The following SLC9A5 variants were observed in gnomAD, a reference collection of about 807,000 sequenced individuals.
SLC9A5 encodes the protein solute carrier family 9 member A5.
In SLC9A5, 52 loss-of-function variants were observed where a neutral mutation model predicts 91.7. That is an observed-to-expected ratio of 0.57 (90% confidence interval 0.45 to 0.71). The LOEUF is 0.71. Ranked by LOEUF, SLC9A5 falls within the 30% of genes least tolerant of loss-of-function variation. The probability of loss-of-function intolerance (pLI) is 0.00; values close to 1 mark genes in which losing one functional copy is unlikely to be tolerated. For missense variants in SLC9A5, 871 were observed against 1,158.9 expected (o/e 0.75, Z 3.61); for synonymous variants, 419 against 474.5 (o/e 0.88, Z 1.52).
chr16:67,250,305 G>T (rs1237124652), intron 1 of SLC9A5, among the ~76,000 whole-genome samples: 1 of 152,172 alleles, frequency 6.6e-6, no homozygotes, highest in Non-Finnish European at 1.5e-5. Flanking sequence ...GGATCTCGGG[G>T]CTGGGGTTAA....
At position 67,255,367 on chromosome 16, in the gene SLC9A5, C is replaced by A; in HGVS notation, c.655-26C>A. The A allele has an allele frequency of 6.2e-7, 1 of 1,601,070 alleles. No individual in the cohort carries two copies. The highest frequency in any genetic ancestry group is 8.6e-7 in the Non-Finnish European group (1 of 1,169,094). On this transcript the variant is annotated intron_variant, in intron 3 of 15. Coordinates refer to ENST00000299798, the MANE Select transcript of SLC9A5 (RefSeq NM_004594.3). The surrounding 1 kb of genome is among the most constrained non-coding windows in gnomAD (Gnocchi z 4.9). ...TCCCAGTTGCTGCCTTCCCGCCTCA[C>A]TGCTGACTCTCCTCTTCTCGCTCAG...
chr16:67,249,703 T>A (rs1240839759), intron 1 of SLC9A5, among the ~76,000 whole-genome samples: 1 of 152,144 alleles, frequency 6.6e-6, no homozygotes, highest in African/African-American at 2.4e-5. Flanking sequence ...CCTCCAGCTC[T>A]CCCCTGCTCC....
chr16:67,256,743 G>A lies in SLC9A5; in HGVS notation c.1132+54G>A. On this transcript the variant is annotated intron_variant, in intron 6 of 15. Transcript: ENST00000299798. This position sits in a 1 kb window ranked among gnomAD's most constrained non-coding sequence, Gnocchi z 4.1. ...TCTCCTTCCTGTCCCGCCCCTCCCT[G>A]CAGCTCATCTCCCTATCTGAGTCCA... 1 of 1,427,694 alleles carries A rather than the reference G, an allele frequency of 7.0e-7. No individual in the cohort carries two copies. The allele number at this position is 1,427,694 out of a possible 1,614,324, so 88.4% of individuals were successfully genotyped here.
Position 67,270,079 on chromosome 16 carries a change from G to A in SLC9A5, c.2219-659G>A, listed in dbSNP as rs193236379. On this transcript the variant is annotated intron_variant, in intron 15 of 15. Transcript: ENST00000299798. This position sits in a 1 kb window ranked among gnomAD's most constrained non-coding sequence, Gnocchi z 4.3. ...CGTTTCTCCCTCGCTGGTTGGCTGG[G>A]ATGGGGCTTGGCAGGAGGCTGTTTC... is the stretch of plus-strand genomic sequence containing the variant. Among the ~76,000 whole-genome samples the A allele has an allele frequency of 1.0e-2, 1,523 of 152,334 alleles. 22 individuals are homozygous for A. Among genetic ancestry groups the A allele is most frequent in the Non-Finnish European group, 0.017 (1,173 of 68,034 alleles).
In SLC9A5 at chr16:67,270,629, G is replaced by C; in HGVS notation, c.2219-109G>C. ...TCAGCAAGACATTCATCCGATAATC[G>C]CAAAAATGGACGGCATATGGAAACT... is the stretch of plus-strand genomic sequence containing the variant. On this transcript the variant is annotated intron_variant, in intron 15 of 15. Transcript: ENST00000299798. The surrounding 1 kb of genome is among the most constrained non-coding windows in gnomAD (Gnocchi z 4.3). 1 of 808,696 alleles carries C rather than the reference G, an allele frequency of 1.2e-6. No homozygotes were observed. Among genetic ancestry groups the C allele is most frequent in the Non-Finnish European group, 1.9e-6 (1 of 522,220 alleles). The allele number at this position is 808,696 out of a possible 1,614,324, so 50.1% of individuals were successfully genotyped here.
chr16:67,264,211 G>T, intron 12 of SLC9A5, 141 bp from the exon 13 acceptor site: 5 of 690,478 alleles, frequency 7.2e-6, no homozygotes, highest in Admixed American at 5.6e-5. Context: ...TGTATTTTTT[G>T]TTTTGTTTTT....
Position 67,271,382 on chromosome 16 carries a change from C to A in SLC9A5, c.*172C>A. ...CACCTAAGCTGGTCCTCACAGGGGC[C>A]TTTCTCACCACCTCCCTGCTCCTAA... On this transcript the variant is annotated 3_prime_UTR_variant, in exon 16 of 16. Coordinates refer to ENST00000299798, the MANE Select transcript of SLC9A5 (RefSeq NM_004594.3). 1.6e-6 allele frequency: 1 copy of A among 622,780 alleles called. No homozygotes were observed. Among genetic ancestry groups the A allele is most frequent in the Non-Finnish European group, 2.8e-6 (1 of 353,134 alleles). 38.6% of individuals were successfully genotyped at this position (622,780 alleles called of 1,614,324 possible).
rs2035895351 is a variant in SLC9A5 at position 67,270,895 on chromosome 16, C to T, written c.2376C>T (p.Asn792=). The T allele has an allele frequency of 3.1e-6, 5 of 1,613,994 alleles. No individual in the cohort carries two copies. Among genetic ancestry groups the T allele is most frequent in the Non-Finnish European group, 4.2e-6 (5 of 1,180,022 alleles). The part of the protein sequence containing the change: ...IVPVDMQTGW[N]QSISSLESLA... ...CTGTGGACATGCAGACGGGTTGGAA[C>T]CAGAGCATCTCATCCCTGGAGAGCC... The change falls in exon 16 of 16, where the codon AAC becomes AAT. Residue 792 remains asparagine (N), a synonymous_variant. Transcript: ENST00000299798. The surrounding 1 kb of genome is among the most constrained non-coding windows in gnomAD (Gnocchi z 4.3).
Position 67,257,312 on chromosome 16 carries a change from A to G in SLC9A5, c.1336-33A>G. The G allele has an allele frequency of 6.4e-7, 1 of 1,564,306 alleles. No individual in the cohort carries two copies. Among genetic ancestry groups the G allele is most frequent in the South Asian group, 1.1e-5 (1 of 90,136 alleles). Reference sequence around the variant, plus strand: ...AAAGGCAGCAGGGAACTGAATAGGAATAGGGCAGGGCTCACCTCCTGCCTG... The same window carrying G: ...AAAGGCAGCAGGGAACTGAATAGGAGTAGGGCAGGGCTCACCTCCTGCCTG... On this transcript the variant is annotated intron_variant, in intron 7 of 15. Transcript: ENST00000299798. The surrounding 1 kb of genome is among the most constrained non-coding windows in gnomAD (Gnocchi z 5.1).
intron 12 of SLC9A5, chr16:67,262,221 G>A (rs1159198856): frequency 2.2e-6 from 1 of 457,152 alleles, no homozygotes; most frequent in Non-Finnish European, 4.4e-6. Context: ...GGATAGAGCT[G>A]AGGACAGAGC....
intron 15 of SLC9A5, among the ~76,000 whole-genome samples, chr16:67,268,710 A>ATATATATATTTT (rs1555500934): frequency 3.3e-5 from 3 of 89,748 alleles, no homozygotes; most frequent in East Asian, 3.5e-4. Flanking sequence ...ATATATATAT[A>ATATATATATTTT]TTTTTACAGT....
Position 67,255,809 on chromosome 16 carries a change from C to T in SLC9A5, c.790C>T (p.Leu264Phe), listed in dbSNP as rs2035294606. 1 of 1,605,202 alleles carries T rather than the reference C, an allele frequency of 6.2e-7. No homozygotes were observed. The highest frequency in any genetic ancestry group is 8.5e-7 in the Non-Finnish European group (1 of 1,175,288). ...GAAVGLVFAF[L>F]LALTTRFTKR... ...AGCCGTGGGCTTAGTCTTTGCCTTC[C>T]TCCTGGCCCTGACCACACGCTTCAC... Residue 264 changes from leucine to phenylalanine, a missense_variant, in exon 5 of 16, where the codon CTC becomes TTC. Transcript: ENST00000299798. This position sits in a 1 kb window ranked among gnomAD's most constrained non-coding sequence, Gnocchi z 4.9.
chr16:67,267,630 G>A (rs542642304), intron 15 of SLC9A5, among the ~76,000 whole-genome samples: 1 of 152,234 alleles, frequency 6.6e-6, no homozygotes, highest in South Asian at 2.1e-4. Flanking sequence ...TAGATCCCCA[G>A]GTGAAGGTGG....
intron 15 of SLC9A5, among the ~76,000 whole-genome samples, chr16:67,268,422 G>A (rs1476260080): frequency 6.8e-6 from 1 of 147,466 alleles, no homozygotes; most frequent in Non-Finnish European, 1.5e-5. Context: ...AACCTCTTGG[G>A]CTCAAGCCAC....
chr16:67,253,607 C>T (rs961741397), intron 2 of SLC9A5, among the ~76,000 whole-genome samples: 2 of 152,192 alleles, frequency 1.3e-5, no homozygotes, highest in Non-Finnish European at 2.9e-5. Context: ...ACTGCAACCT[C>T]CACCTCCTGG....
At position 67,253,734 on chromosome 16, in the gene SLC9A5, G is replaced by T. The variant is rs142761979; in HGVS notation, c.490+890G>T. ...GATGGGGTTTCGCCATGTTGGCCAG[G>T]CTGGTCTTGAACTGCTGAGCTCAGG... is the stretch of plus-strand genomic sequence containing the variant. On this transcript the variant is annotated intron_variant, in intron 2 of 15. Coordinates refer to ENST00000299798, the MANE Select transcript of SLC9A5 (RefSeq NM_004594.3). Among the ~76,000 whole-genome samples the T allele has an allele frequency of 2.4e-3, 369 of 152,282 alleles. 3 individuals are homozygous for T. The highest frequency in any genetic ancestry group is 4.6e-3 in the Non-Finnish European group (315 of 68,020).
rs755225376 is a variant in SLC9A5, at chr16:67,257,029, C to T, written c.1251C>T (p.Ile417=). 1 of 1,613,868 alleles carries T rather than the reference C, an allele frequency of 6.2e-7. No individual in the cohort carries two copies. The highest frequency in any genetic ancestry group is 1.1e-5 in the South Asian group (1 of 91,086). Residue 417 remains isoleucine, a synonymous_variant, in exon 7 of 16, where the codon ATC becomes ATT. Coordinates refer to ENST00000299798, the MANE Select transcript of SLC9A5 (RefSeq NM_004594.3). This position sits in a 1 kb window ranked among gnomAD's most constrained non-coding sequence, Gnocchi z 5.1. ...GGGCTGTGGCCTTTGCTCTCGTCAT[C>T]CTACTGGATAGGACCAAGGTCCCTG... ...LRGAVAFALV[I]LLDRTKVPAK...
Position 67,267,419 on chromosome 16 carries a change from G to A in SLC9A5, c.2218+1194G>A, listed in dbSNP as rs563242682. On this transcript the variant is annotated intron_variant, in intron 15 of 15. Transcript: ENST00000299798. ...ATTTTTAAAAATTGTTTGTAGAGAT[G>A]AGGTTTCACTGTGTTGCCCAGGCTG... Among the ~76,000 whole-genome samples, 3 of 152,198 alleles carry A rather than the reference G, an allele frequency of 2.0e-5. No homozygotes were observed. In the South Asian group the frequency reaches 6.2e-4, roughly 32 times the overall value.
At position 67,257,449 on chromosome 16, in the gene SLC9A5, C is replaced by T; in HGVS notation, c.1425+15C>T. The T allele has an allele frequency of 1.2e-6, 2 of 1,613,850 alleles. No homozygotes were observed. The highest frequency in any genetic ancestry group is 1.7e-6 in the Non-Finnish European group (2 of 1,179,726). ...TGCATGAACACGTGGGTATCAGAACCCCAGCCCTCGCCTGTCCCTCTCGAC... is the reference window on the plus strand; with the variant it reads ...TGCATGAACACGTGGGTATCAGAACTCCAGCCCTCGCCTGTCCCTCTCGAC... On this transcript the variant is annotated intron_variant, in intron 8 of 15. Coordinates refer to ENST00000299798, the MANE Select transcript of SLC9A5 (RefSeq NM_004594.3). The surrounding 1 kb of genome is among the most constrained non-coding windows in gnomAD (Gnocchi z 5.1).
Sources: gnomAD v4.1 joint callset for allele counts (sites outside exome capture counted in the v4.1 genomes callset) on GRCh38, gnomAD v4.1.1 for gene constraint, Gnocchi (gnomAD v3.1) non-coding constraint, MANE v1.5 for transcripts, NCBI Gene and HGNC (gene_info 2026-07-23, HGNC 2026-07-21) for gene names.